The following FHAD1 variants were observed in gnomAD, a reference collection of about 807,000 sequenced individuals.
FHAD1 encodes the protein forkhead associated phosphopeptide binding domain 1.
FHAD1 carries 146 observed loss-of-function variants against 191.3 expected under a neutral mutation model. The ratio of observed to expected loss-of-function variants is 0.76; its 90% CI spans 0.67 to 0.88. The LOEUF (loss-of-function observed/expected upper bound fraction) is 0.88. Ranked by LOEUF, FHAD1 falls within the 40% of genes least tolerant of loss-of-function variation. The probability of loss-of-function intolerance (pLI) is 0.00; values close to 1 mark genes in which losing one functional copy is unlikely to be tolerated. For synonymous variants in FHAD1, 616 were observed against 672.3 expected (o/e 0.92, Z 1.29); for missense variants, 1,635 against 1,785.8 (o/e 0.92, Z 1.52).
intron 19 of FHAD1, among the ~76,000 whole-genome samples, chr1:15,352,349 G>A (rs573315564): frequency 6.6e-5 from 10 of 152,080 alleles, no homozygotes; most frequent in Non-Finnish European, 1.0e-4. Flanking sequence ...GGTCTATGGC[G>A]TTTGTGTTCT....
rs200909826 is a variant in FHAD1 at position 15,381,255 on chromosome 1, G to A, written c.3826G>A (p.Gly1276Arg). 1.9e-4 allele frequency: 291 copies of A among 1,551,410 alleles called. 1 individual carries two copies. Among genetic ancestry groups the A allele is most frequent in the Non-Finnish European group, 2.4e-4 (270 of 1,146,932 alleles). The change falls in exon 30 of 34, where the codon GGA becomes AGA. Residue 1276 changes from glycine to arginine, a missense_variant. Transcript: ENST00000688493. The surrounding 1 kb of genome is among the most constrained non-coding windows in gnomAD (Gnocchi z 4.6). ...KLYLDMSKTL[G>R]SLMNIKNMSG... ...GTACCTGGATATGAGCAAAACCCTC[G>A]GAAGTCTCATGAACATCAAGAATAT...
intron 26 of FHAD1, 69 bp from the exon 27 acceptor site, chr1:15,374,433 C>T: frequency 6.5e-7 from 1 of 1,538,920 alleles, no homozygotes. Flanking sequence ...GAATTGTTCA[C>T]ATTTCTGTGA....
chr1:15,391,094 G>T (rs753968334), intron 32 of FHAD1, 116 bp from the exon 33 acceptor site: 23 of 357,418 alleles, frequency 6.4e-5, no homozygotes, highest in Non-Finnish European at 8.8e-5. Flanking sequence ...TCCCTGGGAA[G>T]GCCCAGCGTT....
intron 3 of FHAD1, among the ~76,000 whole-genome samples, chr1:15,278,334 A>T (rs1364675980): frequency 6.6e-6 from 1 of 152,208 alleles, no homozygotes; most frequent in Non-Finnish European, 1.5e-5. Context: ...AAGGGCTAAA[A>T]AGGAGGATAG....
downstream of FHAD1, among the ~76,000 whole-genome samples, chr1:15,398,426 A>G (rs1432310651): frequency 1.3e-5 from 2 of 152,172 alleles, no homozygotes; most frequent in African/African-American, 4.8e-5. Flanking sequence ...TGGGAGGTAA[A>G]TAGTATTAGA....
At chr1:15,353,163 C>T (rs1453283619) in intron 20 of FHAD1, among the ~76,000 whole-genome samples, 179 bp downstream of exon 20, 1 of 152,122 alleles carries the variant, frequency 6.6e-6, no homozygotes, top group East Asian at 1.9e-4. Context: ...TCAATACACA[C>T]AGATCAATCT....
intron 16 of FHAD1, among the ~76,000 whole-genome samples, 164 bp from the exon 17 acceptor site, chr1:15,344,919 C>G (rs1220974463): frequency 1.3e-5 from 2 of 152,168 alleles, no homozygotes; most frequent in Non-Finnish European, 2.9e-5. Flanking sequence ...TACCCTGGGT[C>G]TCCTGACTCC....
chr1:15,288,692 G>A (rs544001541), intron 3 of FHAD1, among the ~76,000 whole-genome samples: 3 of 152,234 alleles, frequency 2.0e-5, no homozygotes. Flanking sequence ...TAGATGAAAA[G>A]TCCCTAATCC....
intron 27 of FHAD1, among the ~76,000 whole-genome samples, chr1:15,375,222 A>G (rs1203595765): frequency 1.3e-5 from 2 of 152,166 alleles, no homozygotes; most frequent in Non-Finnish European, 2.9e-5. Flanking sequence ...CTAAGGATCA[A>G]TGTTGGAGAA....
At chr1:15,347,713 T>C (rs887854875) in intron 18 of FHAD1, among the ~76,000 whole-genome samples, 1 of 152,186 alleles carries the variant, frequency 6.6e-6, no homozygotes, top group African/African-American at 2.4e-5. Flanking sequence ...CCTCCCAAAG[T>C]GCTGGGATTA....
intron 23 of FHAD1, among the ~76,000 whole-genome samples, chr1:15,363,548 T>G (rs1445233007): frequency 6.6e-6 from 1 of 152,190 alleles, no homozygotes; most frequent in Non-Finnish European, 1.5e-5. Flanking sequence ...GAAATCTAGC[T>G]AATACTGTTA....
intron 22 of FHAD1, 54 bp downstream of exon 22, chr1:15,360,757 G>T: frequency 7.0e-7 from 1 of 1,422,310 alleles, no homozygotes; most frequent in Non-Finnish European, 9.7e-7. Context: ...GGTTCTGATT[G>T]TCCGCTGGGT....
At chr1:15,345,915 A>G (rs146914011) in intron 18 of FHAD1, among the ~76,000 whole-genome samples, 39 of 152,204 alleles carry the variant, frequency 2.6e-4, no homozygotes, top group African/African-American at 8.7e-4. Flanking sequence ...CACCACCACT[A>G]AGGAATGTTC....
intron 28 of FHAD1, among the ~76,000 whole-genome samples, chr1:15,378,063 G>GCC (rs1700068703): frequency 6.6e-6 from 1 of 152,168 alleles, no homozygotes; most frequent in Admixed American, 6.5e-5. Flanking sequence ...CAACACTTTG[G>GCC]GAGGCCGAGG....
intron 2 of FHAD1, among the ~76,000 whole-genome samples, chr1:15,257,271 C>T (rs1025624017): frequency 6.6e-6 from 1 of 152,242 alleles, no homozygotes; most frequent in Non-Finnish European, 1.5e-5. Context: ...ACCCCCTCCC[C>T]TCCCGAGTGG....
chr1:15,375,793 C>T, intron 28 of FHAD1, 63 bp downstream of exon 28: 1 of 1,457,964 alleles, frequency 6.9e-7, no homozygotes, highest in Non-Finnish European at 9.1e-7. Flanking sequence ...TGAGGGCAGA[C>T]ACTAGCTTCG....
At chr1:15,376,604 G>A (rs1186957584) in intron 28 of FHAD1, among the ~76,000 whole-genome samples, 1 of 152,206 alleles carries the variant, frequency 6.6e-6, no homozygotes, top group Non-Finnish European at 1.5e-5. Flanking sequence ...CTTGGGCAAG[G>A]CTCTTGACCT....
chr1:15,323,541 C>T (rs1677087159), intron 10 of FHAD1, among the ~76,000 whole-genome samples: 1 of 152,188 alleles, frequency 6.6e-6, no homozygotes, highest in Non-Finnish European at 1.5e-5. Context: ...TACATGAAAT[C>T]TGTGTGACCC....
At position 15,296,572 on chromosome 1, in the gene FHAD1, A is replaced by G. The variant is rs540612517; in HGVS notation, c.569-112A>G. 41 of 1,055,030 alleles carry G rather than the reference A, an allele frequency of 3.9e-5. No individual in the cohort carries two copies. The African/African-American group carries it at 5.5e-4, about 14-fold the overall frequency. 65.4% of individuals were successfully genotyped at this position (1,055,030 alleles called of 1,614,324 possible). A position where few individuals can be genotyped will look rare whatever the true frequency, so the allele number is the denominator to read the frequency against. ...CCGGCCTTTAATTTTTAAATTACATAAAATATCAATCTCTGGGGGGAAACA... is the reference window on the plus strand; with the variant it reads ...CCGGCCTTTAATTTTTAAATTACATGAAATATCAATCTCTGGGGGGAAACA... On this transcript the variant is annotated intron_variant, in intron 4 of 33. Transcript: ENST00000688493.
Sources: gnomAD v4.1 joint callset for allele counts (sites outside exome capture counted in the v4.1 genomes callset) on GRCh38, gnomAD v4.1.1 for gene constraint, Gnocchi (gnomAD v3.1) non-coding constraint, MANE v1.5 for transcripts, NCBI Gene and HGNC (gene_info 2026-07-23, HGNC 2026-07-21) for gene names.